PICALM: variants seen among roughly 807,000 people sequenced by gnomAD.
PICALM encodes the protein phosphatidylinositol binding clathrin assembly protein.
PICALM carries 40 observed loss-of-function variants against 80.5 expected under a neutral mutation model. That is an observed-to-expected ratio of 0.50 (90% CI 0.39 to 0.65). PICALM has a LOEUF of 0.65. Among genes scored for constraint, PICALM ranks in the 30% least tolerant of loss-of-function variants. PICALM has a pLI of 0.00. For missense variants in PICALM, 676 were observed against 778.9 expected (o/e 0.87, Z 1.57); for synonymous variants, 288 against 260.3 (o/e 1.11, Z -1.02).
intron 1 of PICALM, among the ~76,000 whole-genome samples, chr11:86,052,967 T>C (rs1311141339): frequency 6.6e-6 from 1 of 152,204 alleles, no homozygotes; most frequent in Non-Finnish European, 1.5e-5. Context: ...TGCCTAGTGT[T>C]CCTAATAACT....
chr11:85,986,441 A>ACTGCAGT (rs2094575729), intron 13 of PICALM, among the ~76,000 whole-genome samples: 1 of 133,608 alleles, frequency 7.5e-6, no homozygotes, highest in Non-Finnish European at 1.5e-5. Flanking sequence ...CGGACTGCGG[A>ACTGCAGT]CTGCAGTGGC....
At chr11:85,985,929 C>T (rs577362845) in intron 13 of PICALM, among the ~76,000 whole-genome samples, 1 of 152,230 alleles carries the variant, frequency 6.6e-6, no homozygotes, top group African/African-American at 2.4e-5. Context: ...AAGAGATAAG[C>T]CTATCCTTTA....
chr11:85,963,074 A>T (rs1409909613), intron 19 of PICALM, among the ~76,000 whole-genome samples: 4 of 152,176 alleles, frequency 2.6e-5, no homozygotes, highest in African/African-American at 4.8e-5. Flanking sequence ...AAACTATAAG[A>T]GCTGACTTGA....
At chr11:86,017,138 G>A (rs569731591) in intron 4 of PICALM, among the ~76,000 whole-genome samples, 3 of 151,866 alleles carry the variant, frequency 2.0e-5, no homozygotes, top group Admixed American at 2.0e-4. Flanking sequence ...TGGGAGAATC[G>A]CTTGAATCTG....
chr11:86,064,439 G>C (rs1415364754), intron 1 of PICALM, among the ~76,000 whole-genome samples: 1 of 152,122 alleles, frequency 6.6e-6, no homozygotes, highest in Non-Finnish European at 1.5e-5. Context: ...CTGGTAGAGA[G>C]GATCCTTGAG....
At chr11:85,980,503 T>C (rs2094410117) in intron 17 of PICALM, among the ~76,000 whole-genome samples, 1 of 152,182 alleles carries the variant, frequency 6.6e-6, no homozygotes, top group South Asian at 2.1e-4. Flanking sequence ...AATTCAGTGT[T>C]TGGGGTGACT....
At chr11:86,036,957 A>AAAAAAAATT (rs1555119256) in intron 1 of PICALM, among the ~76,000 whole-genome samples, 1 of 149,746 alleles carries the variant, frequency 6.7e-6, no homozygotes, top group African/African-American at 2.5e-5. Context: ...AAAAAAAAAA[A>AAAAAAAATT]TTTTTTTTGA....
chr11:86,018,854 AC>A (rs2095521192), intron 4 of PICALM, among the ~76,000 whole-genome samples: 1 of 151,536 alleles, frequency 6.6e-6, no homozygotes, highest in Non-Finnish European at 1.5e-5. Flanking sequence ...ACGCCACTGC[AC>A]CCCAGCCTGG....
At chr11:86,036,839 T>C (rs1229049887) in intron 1 of PICALM, among the ~76,000 whole-genome samples, 2 of 151,924 alleles carry the variant, frequency 1.3e-5, no homozygotes, top group East Asian at 3.9e-4. Flanking sequence ...TTGTGGTTCA[T>C]GCCTGTAATC....
chr11:85,980,728 GTT>G (rs1444093053), intron 17 of PICALM, among the ~76,000 whole-genome samples: 1 of 152,128 alleles, frequency 6.6e-6, no homozygotes, highest in Non-Finnish European at 1.5e-5. Flanking sequence ...AAGGACATAT[GTT>G]CTATAGTTAG....
chr11:86,039,411 AT>A (rs1241899260), intron 1 of PICALM, among the ~76,000 whole-genome samples: 1 of 152,118 alleles, frequency 6.6e-6, no homozygotes, highest in Non-Finnish European at 1.5e-5. Flanking sequence ...CTAAAAAAAA[AT>A]AAATTAAAAT....
intron 1 of PICALM, among the ~76,000 whole-genome samples, chr11:86,046,247 T>C (rs187190924): frequency 3.5e-4 from 53 of 152,306 alleles, no homozygotes; most frequent in Admixed American, 3.0e-3. Context: ...TTCCATGTGC[T>C]ACAACTGTAC....
chr11:85,984,095 C>A (rs1218022250), intron 13 of PICALM, 122 bp from the exon 14 acceptor site: 1 of 578,308 alleles, frequency 1.7e-6, no homozygotes, highest in Non-Finnish European at 3.1e-6. Context: ...CAAAGCCAAT[C>A]CTTCAAGCAA....
rs555148797 is a variant in PICALM at position 86,066,175 on chromosome 11, C to A, written c.130+2476G>T. Among the ~76,000 whole-genome samples, 23 of 152,256 alleles carry A rather than the reference C, an allele frequency of 1.5e-4. No individual in the cohort carries two copies. The South Asian group carries it at 4.6e-3, about 30-fold the overall frequency. On this transcript the variant is annotated intron_variant, in intron 1 of 19. Coordinates refer to ENST00000393346, the MANE Select transcript of PICALM (RefSeq NM_007166.4). ...TCCGTAGAAGACTTTTTAATTTTCT[C>A]AAAGCATGTTAGTGTGTGCAAGGAA... is the stretch of plus-strand genomic sequence containing the variant.
At chr11:86,011,242 A>G in intron 6 of PICALM, 106 bp from the exon 7 acceptor site, 1 of 578,138 alleles carries the variant, frequency 1.7e-6, no homozygotes. Flanking sequence ...AAAGGAGCAT[A>G]CATACCCTAC....
intron 1 of PICALM, among the ~76,000 whole-genome samples, chr11:86,052,254 T>C (rs2096202159): frequency 6.6e-6 from 1 of 152,190 alleles, no homozygotes. Flanking sequence ...AAGGACATGT[T>C]TGCTTCCCTT....
chr11:86,050,204 CAAAAAA>C (rs766728047), intron 1 of PICALM, among the ~76,000 whole-genome samples: 1 of 81,818 alleles, frequency 1.2e-5, no homozygotes, highest in Non-Finnish European at 2.2e-5. Flanking sequence ...GACTCTGTCT[CAAAAAA>C]AAAAAAAAAA....
At chr11:85,994,512 A>G (rs2094895164) in intron 12 of PICALM, among the ~76,000 whole-genome samples, 1 of 152,200 alleles carries the variant, frequency 6.6e-6, no homozygotes, top group Non-Finnish European at 1.5e-5. Context: ...TACGTCTGTT[A>G]TTGGCATTCA....
chr11:85,978,108 G>GAGAACAATTACATAATGCAATA (rs1381256169), intron 17 of PICALM: 2 of 1,608,406 alleles, frequency 1.2e-6, no homozygotes, highest in East Asian at 4.5e-5. Context: ...TTTTCCCAGG[G>GAGAACAATTACATAATGCAATA]AGAACAATTA....
Sources: allele counts gnomAD v4.1 joint callset (sites outside exome capture counted in the v4.1 genomes callset), GRCh38; gene constraint gnomAD v4.1.1; transcripts MANE v1.5; gene names NCBI Gene and HGNC (gene_info 2026-07-23, HGNC 2026-07-21).